Variants in ST6GALNAC3 observed in about 807,000 individuals in gnomAD.
The protein encoded by ST6GALNAC3 is ST6 N-acetylgalactosaminide alpha-2,6-sialyltransferase 3.
ST6GALNAC3 carries 25 observed loss-of-function variants against 32.7 expected under a neutral mutation model. The observed-to-expected ratio is 0.76, with a 90% CI of 0.56 to 1.07. The LOEUF is 1.07. ST6GALNAC3 is among the 50% of genes least tolerant of loss of function. The pLI, the probability that ST6GALNAC3 is intolerant of heterozygous loss-of-function variation, is 0.00. For missense variants in ST6GALNAC3, 355 were observed against 382.4 expected, an observed-to-expected ratio of 0.93 and a Z score of 0.60; for synonymous variants, 129 against 133.1, an observed-to-expected ratio of 0.97 and a Z score of 0.21.
chr1:76,114,776 G>A (rs962044882), intron 1 of ST6GALNAC3, among the ~76,000 whole-genome samples: 1 of 152,078 alleles, frequency 6.6e-6, no homozygotes, highest in African/African-American at 2.4e-5. Context: ...AGGCATGGTG[G>A]CTTATGCCAG....
chr1:76,316,259 A>G (rs149070716), intron 2 of ST6GALNAC3, among the ~76,000 whole-genome samples: 61 of 151,322 alleles, frequency 4.0e-4, no homozygotes, highest in Non-Finnish European at 8.1e-4. Flanking sequence ...TACATGCTGT[A>G]TGCCCAACCA....
intron 3 of ST6GALNAC3, among the ~76,000 whole-genome samples, chr1:76,480,560 T>C (rs1659655328): frequency 6.6e-6 from 1 of 152,150 alleles, no homozygotes; most frequent in African/African-American, 2.4e-5. Context: ...TAGGGGTACA[T>C]AGTGCCTCTA....
rs188496284 is a variant in ST6GALNAC3, at chr1:76,262,164, C to T, written c.19-51641C>T. On this transcript the variant is annotated intron_variant, in intron 1 of 4. Transcript: ENST00000328299. ...GTGTCCCAGAAAAATGTGCTCAGCA[C>T]GCTTTACCAATGATCCCTTAATCAT... Among the ~76,000 whole-genome samples the T allele has an allele frequency of 3.3e-4, 51 of 152,308 alleles. No individual in the cohort carries two copies. In the South Asian group the frequency reaches 5.8e-3, roughly 17 times the overall value.
At chr1:76,606,898 A>G (rs1226002076) in intron 3 of ST6GALNAC3, among the ~76,000 whole-genome samples, 3 of 145,908 alleles carry the variant, frequency 2.1e-5, no homozygotes, top group African/African-American at 7.8e-5. Flanking sequence ...CTCCAACACC[A>G]GCTGGGTCTC....
intron 3 of ST6GALNAC3, among the ~76,000 whole-genome samples, chr1:76,499,832 A>G (rs993594259): frequency 1.3e-5 from 2 of 152,158 alleles, no homozygotes; most frequent in Non-Finnish European, 2.9e-5. Context: ...GTATCTGAAG[A>G]TACATCTGAG....
chr1:76,535,691 A>T (rs1325098573), intron 3 of ST6GALNAC3, among the ~76,000 whole-genome samples: 1 of 152,194 alleles, frequency 6.6e-6, no homozygotes, highest in Non-Finnish European at 1.5e-5. Flanking sequence ...GTAAGGAAGT[A>T]GTAACTAAAT....
intron 1 of ST6GALNAC3, among the ~76,000 whole-genome samples, chr1:76,174,663 C>CTTTTTTTTTTTTTTTTT (rs59269306): frequency 5.0e-5 from 7 of 140,100 alleles, no homozygotes; most frequent in Non-Finnish European, 1.1e-4. Context: ...TTTTTCTTTT[C>CTTTTTTTTTTTTTTTTT]TTTTTTTTTT....
intron 3 of ST6GALNAC3, among the ~76,000 whole-genome samples, chr1:76,616,929 C>T (rs1648332990): frequency 1.3e-5 from 2 of 152,042 alleles, no homozygotes. Context: ...GTCAGAGCTG[C>T]TTTATATTTT....
At chr1:76,247,391 G>T (rs772446643) in intron 1 of ST6GALNAC3, among the ~76,000 whole-genome samples, 21 of 152,178 alleles carry the variant, frequency 1.4e-4, no homozygotes, top group Non-Finnish European at 2.1e-4. Context: ...AGGCAGGAGA[G>T]ATTAAGTCCA....
rs574144732 is a variant in ST6GALNAC3, at chr1:76,513,242, C to T, written c.623+100825C>T. Among the ~76,000 whole-genome samples the T allele has an allele frequency of 1.7e-4, 26 of 152,188 alleles. 1 individual carries two copies. Among genetic ancestry groups the T allele is most frequent in the African/African-American group, 6.3e-4 (26 of 41,542 alleles). ...TTGTAAAGCATTCCCCCTATGTTTT[C>T]TTCTAGTAGTTTCATAGTTATAGAC... On this transcript the variant is annotated intron_variant, in intron 3 of 4. Coordinates refer to ENST00000328299, the MANE Select transcript of ST6GALNAC3 (RefSeq NM_152996.4).
chr1:76,233,821 A>G (rs1656500303), intron 1 of ST6GALNAC3, among the ~76,000 whole-genome samples: 1 of 152,196 alleles, frequency 6.6e-6, no homozygotes, highest in Admixed American at 6.5e-5. Context: ...AGGAAATACC[A>G]TTTACTTTTA....
Position 76,343,701 on chromosome 1 carries a change from T to C in ST6GALNAC3, c.213+29702T>C, listed in dbSNP as rs554314062. Among the ~76,000 whole-genome samples, 4 of 152,306 alleles carry C rather than the reference T, an allele frequency of 2.6e-5. No homozygotes were observed. In the South Asian group the frequency reaches 8.3e-4, roughly 32 times the overall value. On this transcript the variant is annotated intron_variant, in intron 2 of 4. Transcript: ENST00000328299. The stretch of plus-strand genomic sequence containing the variant: ...ACATCTGAAGCAAAACCCTACAGAG[T>C]ACAAAGGTAAAGTGAAGACAAAACA...
chr1:76,551,289 A>G (rs1168099421), intron 3 of ST6GALNAC3, among the ~76,000 whole-genome samples: 3 of 152,176 alleles, frequency 2.0e-5, no homozygotes, highest in Non-Finnish European at 4.4e-5. Context: ...GAAAACACAA[A>G]TGTCATTGCA....
intron 3 of ST6GALNAC3, among the ~76,000 whole-genome samples, chr1:76,420,789 C>T (rs1271186721): frequency 6.6e-6 from 1 of 151,996 alleles, no homozygotes; most frequent in Non-Finnish European, 1.5e-5. Flanking sequence ...AATTGCACTT[C>T]CCCCTGTCAC....
chr1:76,352,636 A>G (rs1018809024), intron 2 of ST6GALNAC3, among the ~76,000 whole-genome samples: 2 of 150,324 alleles, frequency 1.3e-5, no homozygotes, highest in African/African-American at 4.9e-5. Flanking sequence ...CTCCTTCTGT[A>G]TAACTTTATA....
chr1:76,181,030 A>C (rs565761077), intron 1 of ST6GALNAC3, among the ~76,000 whole-genome samples: 1 of 152,152 alleles, frequency 6.6e-6, no homozygotes, highest in Non-Finnish European at 1.5e-5. Context: ...CATACACCCA[A>C]CTGGGCTCCG....
At chr1:76,536,345 G>A (rs970643789) in intron 3 of ST6GALNAC3, among the ~76,000 whole-genome samples, 2 of 152,124 alleles carry the variant, frequency 1.3e-5, no homozygotes, top group Non-Finnish European at 2.9e-5. Context: ...AGATTTAATT[G>A]ACTCACAGTT....
At chr1:76,510,110 G>A (rs1661753021) in intron 3 of ST6GALNAC3, among the ~76,000 whole-genome samples, 1 of 152,124 alleles carries the variant, frequency 6.6e-6, no homozygotes, top group Non-Finnish European at 1.5e-5. Flanking sequence ...TAGTGGTTCT[G>A]CCCTGAAGTG....
chr1:76,525,500 T>A (rs552262277), intron 3 of ST6GALNAC3, among the ~76,000 whole-genome samples: 1 of 151,802 alleles, frequency 6.6e-6, no homozygotes, highest in Non-Finnish European at 1.5e-5. Context: ...AAGAAGTGAA[T>A]CGATGATATA....
Sources: allele counts gnomAD v4.1 joint callset (sites outside exome capture counted in the v4.1 genomes callset), GRCh38; gene constraint gnomAD v4.1.1; transcripts MANE v1.5; gene names NCBI Gene and HGNC (gene_info 2026-07-23, HGNC 2026-07-21).